Variants in NPAS3 observed in about 807,000 individuals in gnomAD.
NPAS3 encodes neuronal PAS domain-containing protein 3.
Under a neutral mutation model 73.1 loss-of-function variants are expected in NPAS3, and 14 were observed. That is an observed-to-expected ratio of 0.19 (90% CI 0.13 to 0.30). The LOEUF (loss-of-function observed/expected upper bound fraction) is 0.30. NPAS3 is among the 10% of genes least tolerant of loss of function. The pLI is 1.00. For synonymous variants in NPAS3, 620 were observed against 541.5 expected (o/e 1.14, Z -2.01); for missense variants, 1,096 against 1,250.0 (o/e 0.88, Z 1.86).
intron 3 of NPAS3, among the ~76,000 whole-genome samples, chr14:33,302,633 C>T (rs550432915): frequency 5.3e-5 from 8 of 152,214 alleles, no homozygotes; most frequent in African/African-American, 1.7e-4. Context: ...TTTATAAGAC[C>T]AAAGTACCCA....
chr14:33,569,823 G>A (rs775963087), intron 5 of NPAS3, among the ~76,000 whole-genome samples: 7 of 152,214 alleles, frequency 4.6e-5, no homozygotes, highest in African/African-American at 7.2e-5. Flanking sequence ...AAAAACGTTT[G>A]TACTAAACGT....
upstream of NPAS3, among the ~76,000 whole-genome samples, chr14:32,938,468 A>AGAGAGAGAGAGAGAGAAATT (rs1566779161): frequency 5.1e-4 from 64 of 125,080 alleles, 1 homozygote; most frequent in African/African-American, 1.8e-3. Flanking sequence ...AGAGAGAGAG[A>AGAGAGAGAGAGAGAGAAATT]GAGAGAGAGA....
intron 2 of NPAS3, among the ~76,000 whole-genome samples, chr14:33,178,002 A>C (rs1011570704): frequency 6.6e-6 from 1 of 151,778 alleles, no homozygotes; most frequent in Non-Finnish European, 1.5e-5. Flanking sequence ...CTTCCATATG[A>C]ATTTGAGTAT....
chr14:33,449,577 A>C (rs909139920), intron 4 of NPAS3, among the ~76,000 whole-genome samples: 5 of 152,084 alleles, frequency 3.3e-5, no homozygotes, highest in African/African-American at 1.2e-4. Flanking sequence ...TGATTGAACC[A>C]CTTTATAGCA....
chr14:33,194,957 G>A (rs2139532029), intron 2 of NPAS3, among the ~76,000 whole-genome samples: 1 of 152,234 alleles, frequency 6.6e-6, no homozygotes, highest in East Asian at 1.9e-4. Flanking sequence ...CTAAAAACTA[G>A]TATAAATATG....
At position 33,308,088 on chromosome 14, in the gene NPAS3, G is replaced by T. The variant is rs150426329; in HGVS notation, c.386-59098G>T. On this transcript the variant is annotated intron_variant, in intron 3 of 11. Transcript: ENST00000356141. ...CTGCCAGTTCCCTCTTCAGGGCCAAGGACAGGAGAATGGGGGGTATCTGAA... is the reference window on the plus strand; with the variant it reads ...CTGCCAGTTCCCTCTTCAGGGCCAATGACAGGAGAATGGGGGGTATCTGAA... Among the ~76,000 whole-genome samples, 895 of 152,222 alleles carry T rather than the reference G, an allele frequency of 5.9e-3. 6 individuals carry two copies. The highest frequency in any genetic ancestry group is 0.02 in the African/African-American group (848 of 41,538).
chr14:33,702,494 T>G (rs2060549599), intron 6 of NPAS3, among the ~76,000 whole-genome samples: 2 of 152,144 alleles, frequency 1.3e-5, no homozygotes, highest in East Asian at 3.9e-4. Context: ...ACTTATCAAA[T>G]AAGGGAACTG....
chr14:33,037,481 CAAAAAAA>C (rs11341910), intron 1 of NPAS3, among the ~76,000 whole-genome samples: 1 of 97,000 alleles, frequency 1.0e-5, no homozygotes, highest in African/African-American at 3.4e-5. Context: ...CCCATCTCAG[CAAAAAAA>C]AAAAAAGAAA....
At chr14:33,267,963 G>A (rs1399260403) in intron 3 of NPAS3, among the ~76,000 whole-genome samples, 2 of 152,110 alleles carry the variant, frequency 1.3e-5, no homozygotes, top group Non-Finnish European at 2.9e-5. Flanking sequence ...CATACAACAA[G>A]TTTCATTTTA....
chr14:33,316,576 A>C (rs905912596), intron 3 of NPAS3, among the ~76,000 whole-genome samples: 1 of 152,088 alleles, frequency 6.6e-6, no homozygotes, highest in African/African-American at 2.4e-5. Flanking sequence ...TATTAGCCTC[A>C]GTGTTGACTA....
At chr14:32,976,321 G>A (rs2037675151) in intron 1 of NPAS3, among the ~76,000 whole-genome samples, 1 of 152,106 alleles carries the variant, frequency 6.6e-6, no homozygotes, top group Admixed American at 6.6e-5. Flanking sequence ...AGTGCGTTGT[G>A]AATACTCCAG....
At chr14:33,801,074 C>A (rs868188002) in exon 12 of NPAS3, 2 of 1,592,728 alleles carry the variant, frequency 1.3e-6, no homozygotes, top group South Asian at 1.1e-5. Flanking sequence ...CAACGGCATC[C>A]ACGCGGCACA....
At chr14:33,235,805 CTTTTTTT>C (rs35968798) in intron 3 of NPAS3, among the ~76,000 whole-genome samples, 9 of 80,632 alleles carry the variant, frequency 1.1e-4, no homozygotes, top group Non-Finnish European at 1.5e-4. Context: ...TGATACAATT[CTTTTTTT>C]TTTTTTTTTT....
chr14:33,052,990 A>T (rs894845882), intron 1 of NPAS3, among the ~76,000 whole-genome samples: 1 of 152,200 alleles, frequency 6.6e-6, no homozygotes, highest in Non-Finnish European at 1.5e-5. Context: ...TTTAAAAAAA[A>T]TTCATTTTGT....
intron 3 of NPAS3, among the ~76,000 whole-genome samples, chr14:33,313,276 A>G (rs549984118): frequency 2.4e-4 from 37 of 152,236 alleles, no homozygotes; most frequent in Non-Finnish European, 4.9e-4. Flanking sequence ...ACAATCTATC[A>G]TTTGAATCCC....
chr14:33,406,111 T>G (rs772046076), intron 4 of NPAS3, among the ~76,000 whole-genome samples: 1 of 152,142 alleles, frequency 6.6e-6, no homozygotes, highest in African/African-American at 2.4e-5. Flanking sequence ...AAAGATGTCA[T>G]CAGTGTCTTG....
upstream of NPAS3, among the ~76,000 whole-genome samples, chr14:32,936,668 A>G (rs559652557): frequency 8.5e-4 from 130 of 152,274 alleles, no homozygotes; most frequent in Non-Finnish European, 1.7e-3. Context: ...CGGGAACTTG[A>G]GCTAACTTAT....
chr14:33,189,844 A>G (rs2046106739), intron 2 of NPAS3, among the ~76,000 whole-genome samples: 1 of 152,328 alleles, frequency 6.6e-6, no homozygotes, highest in South Asian at 2.1e-4. Context: ...GATAAGCAAA[A>G]AAGGAATACA....
intron 3 of NPAS3, among the ~76,000 whole-genome samples, chr14:33,262,638 A>G (rs12885477): frequency 0.23 from 34,412 of 152,106 alleles, 4,212 homozygotes; most frequent in Middle Eastern, 0.27. Context: ...TAGATTCATC[A>G]ACTCAACAAG....
Sources: allele counts gnomAD v4.1 joint callset (sites outside exome capture counted in the v4.1 genomes callset), GRCh38; gene constraint gnomAD v4.1.1; transcripts MANE v1.5; gene names NCBI Gene and HGNC (gene_info 2026-07-23, HGNC 2026-07-21).